Variants in MYH15 observed in about 807,000 individuals in gnomAD.
The protein encoded by MYH15 is myosin heavy chain 15.
Under a neutral mutation model 240.5 loss-of-function variants are expected in MYH15, and 227 were observed. The ratio of observed to expected loss-of-function variants is 0.94; its 90% CI spans 0.85 to 1.05. The LOEUF (loss-of-function observed/expected upper bound fraction) is 1.05. Ranked by LOEUF, MYH15 falls within the 50% of genes least tolerant of loss-of-function variation. The pLI is 0.00. For missense variants in MYH15, 2,217 were observed against 2,247.5 expected, an observed-to-expected ratio of 0.99 and a Z score of 0.27; for synonymous variants, 785 against 796.7, an observed-to-expected ratio of 0.99 and a Z score of 0.25.
intron 28 of MYH15, among the ~76,000 whole-genome samples, chr3:108,419,830 CTT>C (rs1251630736): frequency 6.6e-6 from 1 of 151,874 alleles, no homozygotes; most frequent in Non-Finnish European, 1.5e-5. Flanking sequence ...TGTTCATTCT[CTT>C]TTTAAAACTG....
intron 7 of MYH15, among the ~76,000 whole-genome samples, chr3:108,493,879 G>A (rs2083372326): frequency 6.6e-6 from 1 of 152,236 alleles, no homozygotes; most frequent in South Asian, 2.1e-4. Context: ...GAGGAGTGAT[G>A]TGATCTAATT....
intron 13 of MYH15, 30 bp downstream of exon 13, chr3:108,470,668 A>T (rs1388413226): frequency 6.2e-7 from 1 of 1,608,208 alleles, no homozygotes; most frequent in South Asian, 1.1e-5. Flanking sequence ...ATAAATATGC[A>T]TTGACTTCCT....
intron 11 of MYH15, among the ~76,000 whole-genome samples, chr3:108,478,123 C>A (rs2083236049): frequency 1.3e-5 from 2 of 152,112 alleles, no homozygotes; most frequent in Admixed American, 6.6e-5. Flanking sequence ...TTTTCCAGAG[C>A]AATAATCACG....
intron 31 of MYH15, 35 bp downstream of exon 31, chr3:108,410,548 G>C (rs1446553128): frequency 1.4e-6 from 2 of 1,479,634 alleles, no homozygotes; most frequent in Non-Finnish European, 1.8e-6. Flanking sequence ...TGAGCTACCC[G>C]CTCTGGCTTT....
chr3:108,510,421 C>A, intron 1 of MYH15, 22 bp downstream of exon 1: 1 of 1,582,388 alleles, frequency 6.3e-7, no homozygotes, highest in Non-Finnish European at 8.6e-7. Context: ...AAAGTGAAGC[C>A]AGCAACCACC....
the MYH15 span, among the ~76,000 whole-genome samples, chr3:108,540,335 C>T: frequency 6.6e-6 from 1 of 152,164 alleles, no homozygotes; most frequent in Non-Finnish European, 1.5e-5. Flanking sequence ...TTTCTCTCCA[C>T]CACAGACAGC....
rs370946742 is a variant in MYH15 at position 108,471,966 on chromosome 3, A to C, written c.1234-1119T>G. ...AACCTTTCTGGAAAGCAACATCTTC[A>C]TCTGAAAAACACTCTTAAAGGATCT... is the stretch of plus-strand genomic sequence containing the variant. On this transcript the variant is annotated intron_variant, in intron 12 of 40. Transcript: ENST00000693548. 2.0e-4 allele frequency among the ~76,000 whole-genome samples: 30 copies of C among 152,328 alleles called. No individual in the cohort carries two copies. In the South Asian group the frequency reaches 6.0e-3, roughly 30 times the overall value.
At chr3:108,473,131 C>T (rs1186117959) in intron 12 of MYH15, among the ~76,000 whole-genome samples, 1 of 152,166 alleles carries the variant, frequency 6.6e-6, no homozygotes, top group African/African-American at 2.4e-5. Context: ...CCTCAGCCTC[C>T]CAAGTGGCTG....
At chr3:108,384,662 G>T in intron 39 of MYH15, 25 bp downstream of exon 39, 1 of 1,594,726 alleles carries the variant, frequency 6.3e-7, no homozygotes, top group Non-Finnish European at 8.6e-7. Flanking sequence ...AAATCCATGA[G>T]GCTGAAACTT....
chr3:108,531,164 G>A (rs1373957812), upstream of MYH15, among the ~76,000 whole-genome samples: 1 of 152,186 alleles, frequency 6.6e-6, no homozygotes, highest in Non-Finnish European at 1.5e-5. Context: ...CAGGCAGGTG[G>A]TAACCATAAT....
Position 108,476,472 on chromosome 3 carries a change from C to T in MYH15, c.1158G>A (p.Glu386=), listed in dbSNP as rs200192336. 6 of 1,613,394 alleles carry T rather than the reference C, an allele frequency of 3.7e-6. No homozygotes were observed. Among genetic ancestry groups the T allele is most frequent in the Non-Finnish European group, 5.1e-6 (6 of 1,179,560 alleles). Residue 386 remains glutamate, a synonymous_variant, in exon 12 of 41, where the codon GAG becomes GAA. Coordinates refer to ENST00000693548, the MANE Select transcript of MYH15 (RefSeq NM_014981.3). ...AAFLMGINSS[E]LVKCLIHPRI... ...TAGGATGGATCAAGCACTTTACCAA[C>T]TCAGAGGAGTTAATGCCCATGAGGA...
chr3:108,421,265 A>G (rs775194508), intron 27 of MYH15, 51 bp from the exon 28 acceptor site: 1 of 1,589,118 alleles, frequency 6.3e-7, no homozygotes, highest in East Asian at 2.2e-5. Flanking sequence ...GATACTCTGA[A>G]TCAGCTGCAC....
At chr3:108,466,139 T>C (rs2083115166) in intron 14 of MYH15, among the ~76,000 whole-genome samples, 1 of 152,172 alleles carries the variant, frequency 6.6e-6, no homozygotes, top group Admixed American at 6.5e-5. Context: ...GCAGGCTAGA[T>C]TGGGTCCACA....
At chr3:108,489,533 A>C (rs1289486636) in intron 9 of MYH15, among the ~76,000 whole-genome samples, 1 of 152,174 alleles carries the variant, frequency 6.6e-6, no homozygotes, top group Non-Finnish European at 1.5e-5. Context: ...GGTCAGATAT[A>C]ATTGAGAGCA....
chr3:108,538,612 CAG>C, the MYH15 span, among the ~76,000 whole-genome samples: 8 of 151,996 alleles, frequency 5.3e-5, no homozygotes, highest in East Asian at 7.7e-4. Context: ...AATGAAGTGA[CAG>C]AGAGAAATGA....
intron 27 of MYH15, 103 bp downstream of exon 27, chr3:108,428,389 T>G (rs2082743582): frequency 7.5e-7 from 1 of 1,333,842 alleles, no homozygotes; most frequent in Non-Finnish European, 1.0e-6. Context: ...GAAAATACAC[T>G]GAGTCACTAA....
intron 33 of MYH15, among the ~76,000 whole-genome samples, chr3:108,403,718 A>C (rs2082525836): frequency 6.6e-6 from 1 of 152,126 alleles, no homozygotes; most frequent in South Asian, 2.1e-4. Flanking sequence ...ACTAAAATTT[A>C]TGAATAGCTC....
chr3:108,495,702 A>T, intron 7 of MYH15, 78 bp downstream of exon 7: 1 of 1,052,854 alleles, frequency 9.5e-7, no homozygotes, highest in Non-Finnish European at 1.4e-6. Flanking sequence ...ATTTTTTCAT[A>T]CCTATGTGCT....
At chr3:108,470,943 G>T in intron 12 of MYH15, 96 bp from the exon 13 acceptor site, 2 of 1,269,840 alleles carry the variant, frequency 1.6e-6, no homozygotes, top group Non-Finnish European at 1.1e-6. Context: ...GTCAAATTAG[G>T]ATGTCTTTAT....
Sources: gnomAD v4.1 joint callset for allele counts (sites outside exome capture counted in the v4.1 genomes callset) on GRCh38, gnomAD v4.1.1 for gene constraint, MANE v1.5 for transcripts, NCBI Gene and HGNC (gene_info 2026-07-23, HGNC 2026-07-21) for gene names.